ROBO2: variants seen among roughly 807,000 people sequenced by gnomAD.
ROBO2 encodes the protein roundabout homolog 2.
Under a neutral mutation model 160.8 loss-of-function variants are expected in ROBO2, and 53 were observed. The ratio of observed to expected loss-of-function variants is 0.33; its 90% CI spans 0.26 to 0.41. ROBO2 has a LOEUF of 0.41. ROBO2 is among the 10% of genes least tolerant of loss of function. The pLI, the probability that ROBO2 is intolerant of heterozygous loss-of-function variation, is 1.00. For synonymous variants in ROBO2, 664 were observed against 611.7 expected (o/e 1.09, Z -1.26); for missense variants, 1,577 against 1,722.4 (o/e 0.92, Z 1.49).
At chr3:77,614,419 A>C (rs1436844192) in intron 21 of ROBO2, among the ~76,000 whole-genome samples, 3 of 152,202 alleles carry the variant, frequency 2.0e-5, no homozygotes, top group African/African-American at 7.2e-5. Flanking sequence ...AGTTTAAATG[A>C]TGGTATTTTC....
intron 2 of ROBO2, among the ~76,000 whole-genome samples, chr3:76,082,537 A>T (rs1470310866): frequency 6.6e-6 from 1 of 152,034 alleles, no homozygotes; most frequent in Non-Finnish European, 1.5e-5. Context: ...CCTGGAAAAG[A>T]TTGTTTCAGA....
Position 77,018,258 on chromosome 3 carries a change from A to G in ROBO2, c.110-79756A>G, listed in dbSNP as rs191436126. Among the ~76,000 whole-genome samples, 172 of 151,984 alleles carry G rather than the reference A, an allele frequency of 1.1e-3. 2 individuals are homozygous for G. Among genetic ancestry groups the G allele is most frequent in the African/African-American group, 3.9e-3 (162 of 41,480 alleles). On this transcript the variant is annotated intron_variant, in intron 2 of 26. Transcript: ENST00000487694. ...GCTGGGATTACAGGCACACTTTTGT[A>G]TTTTTTGGTAGAGATGGGGTTTCAC...
At position 76,273,818 on chromosome 3, in the gene ROBO2, A is replaced by T. The variant is rs1446296643; in HGVS notation, c.109+336216A>T. ...TATGGGAACTACAATTCAAGGTAGT[A>T]TTTGGGTGGGGACACCACAAAACCA... On this transcript the variant is annotated intron_variant, in intron 2 of 26. Transcript: ENST00000487694. Among the ~76,000 whole-genome samples, 6 of 152,294 alleles carry T rather than the reference A, an allele frequency of 3.9e-5. No homozygotes were observed. The South Asian group carries it at 1.2e-3, about 32-fold the overall frequency.
At chr3:77,498,836 C>T (rs1273019294) in intron 5 of ROBO2, among the ~76,000 whole-genome samples, 1 of 152,068 alleles carries the variant, frequency 6.6e-6, no homozygotes, top group Non-Finnish European at 1.5e-5. Flanking sequence ...GATAAATAAC[C>T]ACACTGATTA....
At chr3:76,400,728 A>G (rs762548466) in intron 2 of ROBO2, among the ~76,000 whole-genome samples, 2 of 151,558 alleles carry the variant, frequency 1.3e-5, no homozygotes, top group African/African-American at 4.8e-5. Flanking sequence ...TGCTCATTCA[A>G]TATCTGCTTT....
chr3:76,005,955 C>T (rs925446978), intron 2 of ROBO2, among the ~76,000 whole-genome samples: 1 of 152,054 alleles, frequency 6.6e-6, no homozygotes, highest in African/African-American at 2.4e-5. Context: ...TAAATGTTTG[C>T]TTACAAAACA....
chr3:76,953,423 C>T lies in ROBO2; in HGVS notation c.110-144591C>T, dbSNP rs181000319. 6.3e-4 allele frequency among the ~76,000 whole-genome samples: 96 copies of T among 152,160 alleles called. 1 individual carries two copies. The highest frequency in any genetic ancestry group is 3.3e-3 in the South Asian group (16 of 4,816). ...GTACTATCAAAGTATACTTAGGAAG[C>T]TTTAGGGAGGAAACAGCACTTGAGG... On this transcript the variant is annotated intron_variant, in intron 2 of 26. Transcript: ENST00000487694.
chr3:76,660,334 C>G (rs1212768204), intron 2 of ROBO2, among the ~76,000 whole-genome samples: 1 of 151,978 alleles, frequency 6.6e-6, no homozygotes, highest in African/African-American at 2.4e-5. Context: ...GAGCGGTGAC[C>G]CAGTCGAAGA....
chr3:77,247,946 T>G (rs937300143), intron 2 of ROBO2, among the ~76,000 whole-genome samples: 2 of 152,134 alleles, frequency 1.3e-5, no homozygotes, highest in African/African-American at 4.8e-5. Context: ...TGGCCAAAAG[T>G]AAGAGCTTGC....
intron 2 of ROBO2, among the ~76,000 whole-genome samples, chr3:76,675,562 G>A (rs2092386914): frequency 1.3e-5 from 2 of 152,164 alleles, no homozygotes; most frequent in African/African-American, 4.8e-5. Flanking sequence ...CCCTATGTTA[G>A]AATCCTCTAT....
At chr3:77,357,519 T>C (rs2069310058) in intron 2 of ROBO2, among the ~76,000 whole-genome samples, 1 of 152,194 alleles carries the variant, frequency 6.6e-6, no homozygotes, top group South Asian at 2.1e-4. Context: ...CTGATTTTTA[T>C]ACATTACCCA....
At position 76,134,418 on chromosome 3, in the gene ROBO2, C is replaced by T. The variant is rs77376479; in HGVS notation, c.109+196816C>T. Among the ~76,000 whole-genome samples, 1,429 of 152,110 alleles carry T rather than the reference C, an allele frequency of 9.4e-3. 25 individuals are homozygous for T. Among genetic ancestry groups the T allele is most frequent in the African/African-American group, 0.033 (1,378 of 41,506 alleles). On this transcript the variant is annotated intron_variant, in intron 2 of 26. Coordinates refer to the ROBO2 transcript ENST00000487694. ...CTTACGAGTGTTTCTGACCAACACC[C>T]CCGTGATTATGTTATGTTCTATGGC...
intron 2 of ROBO2, among the ~76,000 whole-genome samples, chr3:76,392,316 G>C (rs1478108006): frequency 6.6e-6 from 1 of 152,070 alleles, no homozygotes; most frequent in Admixed American, 6.6e-5. Context: ...TTACAGCCCT[G>C]CATGGTTTAG....
intron 2 of ROBO2, among the ~76,000 whole-genome samples, chr3:77,248,367 C>G (rs1314846700): frequency 1.3e-5 from 2 of 151,800 alleles, no homozygotes; most frequent in African/African-American, 4.9e-5. Context: ...CTCCGCTGAG[C>G]TGTTAACACT....
chr3:76,399,435 C>T (rs2077684504), intron 2 of ROBO2, among the ~76,000 whole-genome samples: 1 of 151,696 alleles, frequency 6.6e-6, no homozygotes. Context: ...GGGGTTAAAA[C>T]TAAGCTCTCC....
chr3:76,375,012 G>A (rs952469506), intron 2 of ROBO2, among the ~76,000 whole-genome samples: 2 of 150,666 alleles, frequency 1.3e-5, no homozygotes, highest in African/African-American at 2.4e-5. Flanking sequence ...CAGAGTTCAC[G>A]GGCATCATTA....
intron 6 of ROBO2, among the ~76,000 whole-genome samples, chr3:77,539,174 C>T (rs927744715): frequency 1.3e-5 from 2 of 152,162 alleles, no homozygotes; most frequent in African/African-American, 4.8e-5. Context: ...CCCGCCTCGG[C>T]CTCCCAAAGT....
At chr3:76,605,816 A>G (rs1025384452) in intron 2 of ROBO2, among the ~76,000 whole-genome samples, 2 of 152,110 alleles carry the variant, frequency 1.3e-5, no homozygotes, top group African/African-American at 4.8e-5. Context: ...CCCTTATTTG[A>G]TAGGTGCAGC....
intron 2 of ROBO2, among the ~76,000 whole-genome samples, chr3:77,425,882 C>T (rs551517179): frequency 2.0e-5 from 3 of 151,980 alleles, no homozygotes; most frequent in East Asian, 3.9e-4. Flanking sequence ...AGGCTGATCT[C>T]GAACTCCTGA....
Sources: gnomAD v4.1 joint callset for allele counts (sites outside exome capture counted in the v4.1 genomes callset) on GRCh38, gnomAD v4.1.1 for gene constraint, MANE v1.5 for transcripts, NCBI Gene and HGNC (gene_info 2026-07-23, HGNC 2026-07-21) for gene names.